The following NAALADL2 variants were observed in gnomAD, a reference collection of about 807,000 sequenced individuals.
The protein encoded by NAALADL2 is N-acetylated alpha-linked acidic dipeptidase like 2.
Under a neutral mutation model 87.2 loss-of-function variants are expected in NAALADL2, and 76 were observed. That is an observed-to-expected ratio of 0.87 (90% CI 0.72 to 1.05). NAALADL2 has a LOEUF of 1.05. Ranked by LOEUF, NAALADL2 falls within the 50% of genes least tolerant of loss-of-function variation. The probability of loss-of-function intolerance (pLI) is 0.00; values close to 1 mark genes in which losing one functional copy is unlikely to be tolerated. For synonymous variants in NAALADL2, 354 were observed against 331.0 expected (o/e 1.07, Z -0.75); for missense variants, 1,089 against 945.8 (o/e 1.15, Z -1.99).
intron 2 of NAALADL2, among the ~76,000 whole-genome samples, chr3:174,620,811 A>G (rs893756430): frequency 6.6e-6 from 1 of 152,088 alleles, no homozygotes; most frequent in Non-Finnish European, 1.5e-5. Flanking sequence ...TCTCATTTTG[A>G]TGAACTTGAG....
At chr3:175,797,383 T>C (rs1372606635) in intron 13 of NAALADL2, among the ~76,000 whole-genome samples, 1 of 152,166 alleles carries the variant, frequency 6.6e-6, no homozygotes, top group African/African-American at 2.4e-5. Context: ...GTTCTGTGTA[T>C]GCAAATAAGA....
intron 2 of NAALADL2, among the ~76,000 whole-genome samples, chr3:175,165,888 C>G (rs1475312813): frequency 6.6e-6 from 1 of 151,998 alleles, no homozygotes; most frequent in Non-Finnish European, 1.5e-5. Flanking sequence ...GATCCACCCT[C>G]TTCCTCTTAT....
chr3:175,033,153 G>T (rs1752988426), intron 1 of NAALADL2, among the ~76,000 whole-genome samples: 1 of 151,918 alleles, frequency 6.6e-6, no homozygotes, highest in Admixed American at 6.6e-5. Context: ...CCGTGGATCT[G>T]GTTCCGTTGG....
chr3:175,337,414 A>T (rs369978231), intron 5 of NAALADL2, among the ~76,000 whole-genome samples: 32 of 152,290 alleles, frequency 2.1e-4, no homozygotes, highest in East Asian at 9.6e-4. Flanking sequence ...ATTTGGAGAT[A>T]GTCTTTTAAA....
intron 11 of NAALADL2, among the ~76,000 whole-genome samples, chr3:175,708,648 A>T (rs970403315): frequency 1.3e-5 from 2 of 151,878 alleles, no homozygotes; most frequent in Non-Finnish European, 2.9e-5. Context: ...TGTTTTGATT[A>T]AAAACCCTGA....
At chr3:175,007,033 A>G (rs1221944700) in intron 1 of NAALADL2, among the ~76,000 whole-genome samples, 1 of 151,734 alleles carries the variant, frequency 6.6e-6, no homozygotes, top group Non-Finnish European at 1.5e-5. Context: ...TCATTATCTT[A>G]ATAGAAAACT....
chr3:175,395,868 T>A (rs1489130984), intron 5 of NAALADL2, among the ~76,000 whole-genome samples: 2 of 152,214 alleles, frequency 1.3e-5, no homozygotes, highest in Non-Finnish European at 2.9e-5. Context: ...AATGGCAGTA[T>A]GAACCAATCC....
At chr3:175,371,697 G>T (rs1160518995) in intron 5 of NAALADL2, among the ~76,000 whole-genome samples, 1 of 151,306 alleles carries the variant, frequency 6.6e-6, no homozygotes, top group African/African-American at 2.4e-5. Flanking sequence ...TGGTGCAGGG[G>T]CCTGTAATCC....
intron 5 of NAALADL2, among the ~76,000 whole-genome samples, chr3:175,335,168 A>G (rs1560381771): frequency 6.6e-6 from 1 of 152,216 alleles, no homozygotes. Flanking sequence ...TGTGCTGTCC[A>G]ATATGATAGC....
Position 175,192,636 on chromosome 3 carries a change from A to G in NAALADL2, c.546-41295A>G, listed in dbSNP as rs151136897. Among the ~76,000 whole-genome samples the G allele has an allele frequency of 4.3e-3, 651 of 152,162 alleles. 5 individuals are homozygous for G. The highest frequency in any genetic ancestry group is 0.015 in the African/African-American group (605 of 41,578). ...TTAATTTTCTCAGTGGGAAAAATCT[A>G]TGGCATGGATTTTAATTATGACAAC... On this transcript the variant is annotated intron_variant, in intron 2 of 13. Coordinates refer to ENST00000454872, the MANE Select transcript of NAALADL2 (RefSeq NM_207015.3).
chr3:175,246,316 G>A (rs768458240), intron 3 of NAALADL2, among the ~76,000 whole-genome samples: 4 of 152,286 alleles, frequency 2.6e-5, no homozygotes, highest in South Asian at 2.1e-4. Flanking sequence ...TGATAGTATT[G>A]TAGTTTGTCA....
At chr3:175,011,172 C>A (rs1319716302) in intron 1 of NAALADL2, among the ~76,000 whole-genome samples, 2 of 151,844 alleles carry the variant, frequency 1.3e-5, no homozygotes, top group African/African-American at 4.8e-5. Flanking sequence ...TAGCTCTATT[C>A]TCTTGGCCAT....
intron 2 of NAALADL2, among the ~76,000 whole-genome samples, chr3:174,648,030 A>C (rs1292060394): frequency 6.6e-6 from 1 of 152,216 alleles, no homozygotes; most frequent in Non-Finnish European, 1.5e-5. Context: ...GGGTGTGTAA[A>C]TACAATAGTC....
At chr3:175,260,264 TA>T (rs923568881) in intron 4 of NAALADL2, among the ~76,000 whole-genome samples, 5 of 152,112 alleles carry the variant, frequency 3.3e-5, no homozygotes, top group South Asian at 2.1e-4. Context: ...TAAATAAATT[TA>T]AAAAAAATTT....
intron 1 of NAALADL2, among the ~76,000 whole-genome samples, chr3:175,028,875 C>G (rs555042934): frequency 7.3e-5 from 11 of 151,584 alleles, no homozygotes; most frequent in Non-Finnish European, 1.5e-4. Flanking sequence ...AGTCTCACTT[C>G]GTAGTGTTTC....
intron 11 of NAALADL2, among the ~76,000 whole-genome samples, chr3:175,703,883 C>T (rs1413797845): frequency 2.0e-5 from 3 of 152,104 alleles, no homozygotes; most frequent in Non-Finnish European, 4.4e-5. Flanking sequence ...AAAATGCATT[C>T]GTTCATATTG....
chr3:175,475,329 G>T (rs978652257), intron 9 of NAALADL2, among the ~76,000 whole-genome samples: 9 of 152,086 alleles, frequency 5.9e-5, no homozygotes, highest in Non-Finnish European at 1.0e-4. Flanking sequence ...TGAAATTAAA[G>T]ATAAGATTTA....
At chr3:175,055,839 A>G (rs1159033625) in intron 1 of NAALADL2, among the ~76,000 whole-genome samples, 1 of 152,158 alleles carries the variant, frequency 6.6e-6, no homozygotes, top group Non-Finnish European at 1.5e-5. Context: ...CAGTCCTGCC[A>G]TTGCCTGTGC....
chr3:175,780,860 C>T (rs985526639), intron 13 of NAALADL2, among the ~76,000 whole-genome samples: 1 of 152,160 alleles, frequency 6.6e-6, no homozygotes, highest in South Asian at 2.1e-4. Context: ...CAATTATTTG[C>T]TGTACTTGAA....
Sources: allele counts gnomAD v4.1 joint callset (sites outside exome capture counted in the v4.1 genomes callset), GRCh38; gene constraint gnomAD v4.1.1; transcripts MANE v1.5; gene names NCBI Gene and HGNC (gene_info 2026-07-23, HGNC 2026-07-21).